The following KCNIP4 variants were observed in gnomAD, a reference collection of about 807,000 sequenced individuals.
The protein encoded by KCNIP4 is Kv channel-interacting protein 4.
In KCNIP4, 12 loss-of-function variants were observed where a neutral mutation model predicts 34.0. The observed-to-expected ratio is 0.35, with a 90% CI of 0.23 to 0.57. The LOEUF is 0.57. KCNIP4 is among the 20% of genes least tolerant of loss of function. The pLI, the probability that KCNIP4 is intolerant of heterozygous loss-of-function variation, is 0.83. For synonymous variants in KCNIP4, 124 were observed against 102.2 expected (o/e 1.21, Z -1.29); for missense variants, 238 against 311.7 (o/e 0.76, Z 1.78).
chr4:21,750,122 T>C (rs992894524), intron 1 of KCNIP4, among the ~76,000 whole-genome samples: 2 of 152,152 alleles, frequency 1.3e-5, no homozygotes, highest in African/African-American at 4.8e-5. Flanking sequence ...ATCCTCCTTT[T>C]GTCCTGGGTT....
At chr4:21,783,395 A>G (rs1719696116) in intron 1 of KCNIP4, among the ~76,000 whole-genome samples, 1 of 152,206 alleles carries the variant, frequency 6.6e-6, no homozygotes, top group South Asian at 2.1e-4. Context: ...TAAACTCAAA[A>G]AAAAAGTTTT....
In KCNIP4 at chr4:20,728,903, A is replaced by T. The variant is rs975537742; in HGVS notation, c.*1179T>A. 1 of 146,054 alleles carries T rather than the reference A, an allele frequency of 6.8e-6. No individual in the cohort carries two copies. The highest frequency in any genetic ancestry group is 2.6e-5 in the African/African-American group (1 of 38,224). The allele number at this position is 146,054 out of a possible 1,614,324, so 9.0% of individuals were successfully genotyped here. ...GTGGCTTTAGTAATGTGGCAACTTT[A>T]CAGTTTTGGCTAAGATGATTAAAAA... On this transcript the variant is annotated 3_prime_UTR_variant, in exon 9 of 9. Transcript: ENST00000382152.
chr4:21,473,292 G>A (rs1045245658), intron 1 of KCNIP4, among the ~76,000 whole-genome samples: 16 of 152,096 alleles, frequency 1.1e-4, no homozygotes, highest in African/African-American at 1.7e-4. Flanking sequence ...CAGGGAATAC[G>A]GGGAAATCCT....
At chr4:21,065,726 C>CAT (rs1347877012) in intron 1 of KCNIP4, among the ~76,000 whole-genome samples, 58 of 86,350 alleles carry the variant, frequency 6.7e-4, no homozygotes, top group African/African-American at 2.5e-3. Flanking sequence ...TATCATTTGT[C>CAT]TATATATATA....
At chr4:20,929,298 A>T (rs1477718666) in intron 1 of KCNIP4, among the ~76,000 whole-genome samples, 1 of 152,028 alleles carries the variant, frequency 6.6e-6, no homozygotes, top group African/African-American at 2.4e-5. Flanking sequence ...TTTCTCAATC[A>T]ACACAGAAAA....
intron 1 of KCNIP4, among the ~76,000 whole-genome samples, chr4:21,253,647 C>A (rs1313451241): frequency 6.6e-6 from 1 of 152,178 alleles, no homozygotes; most frequent in Non-Finnish European, 1.5e-5. Flanking sequence ...AAAATAGATT[C>A]TTAATACTGG....
At chr4:21,252,756 C>T (rs1362050321) in intron 1 of KCNIP4, among the ~76,000 whole-genome samples, 68 of 132,252 alleles carry the variant, frequency 5.1e-4, no homozygotes, top group African/African-American at 1.8e-3. Flanking sequence ...GGCAAATCCT[C>T]TTTTTTTTTT....
At chr4:21,524,170 C>T (rs908372651) in intron 1 of KCNIP4, among the ~76,000 whole-genome samples, 2 of 152,068 alleles carry the variant, frequency 1.3e-5, no homozygotes, top group Non-Finnish European at 2.9e-5. Context: ...TCTCTGCTCA[C>T]TCCTATTTTC....
At chr4:21,892,550 T>TAAAAAA (rs35105632) in intron 1 of KCNIP4, among the ~76,000 whole-genome samples, 1 of 126,378 alleles carries the variant, frequency 7.9e-6, no homozygotes, top group Non-Finnish European at 1.6e-5. Flanking sequence ...AGCAAAAAAG[T>TAAAAAA]AAAAAAAAAA....
chr4:20,891,987 A>G (rs1269697875), intron 1 of KCNIP4, among the ~76,000 whole-genome samples: 1 of 152,188 alleles, frequency 6.6e-6, no homozygotes, highest in African/African-American at 2.4e-5. Context: ...CTTGGGGTTC[A>G]TATGCTGGTA....
chr4:20,771,494 ATGAGT>A (rs576389665), intron 3 of KCNIP4, among the ~76,000 whole-genome samples: 15 of 152,312 alleles, frequency 9.8e-5, no homozygotes, highest in African/African-American at 3.1e-4. Flanking sequence ...GAAAATAAAA[ATGAGT>A]TGAGTTTACA....
At chr4:21,194,199 T>C (rs1755887724) in intron 1 of KCNIP4, among the ~76,000 whole-genome samples, 1 of 152,200 alleles carries the variant, frequency 6.6e-6, no homozygotes, top group South Asian at 2.1e-4. Context: ...TTGATAAGAA[T>C]TTAATTTAAG....
intron 1 of KCNIP4, among the ~76,000 whole-genome samples, chr4:21,466,707 T>C (rs951786278): frequency 6.6e-6 from 1 of 152,118 alleles, no homozygotes; most frequent in African/African-American, 2.4e-5. Flanking sequence ...ATCCCATTTA[T>C]ACAAATGCCC....
chr4:20,926,663 T>A (rs971975173), intron 1 of KCNIP4, among the ~76,000 whole-genome samples: 3 of 152,210 alleles, frequency 2.0e-5, no homozygotes, highest in East Asian at 3.9e-4. Context: ...AAGTTCAGAA[T>A]TGAATGTTTT....
At chr4:21,251,727 T>C (rs1340256574) in intron 1 of KCNIP4, among the ~76,000 whole-genome samples, 2 of 151,868 alleles carry the variant, frequency 1.3e-5, no homozygotes, top group African/African-American at 4.8e-5. Context: ...ATGGATGAAA[T>C]TGGAAATCAT....
At chr4:21,283,701 G>T (rs1225368215) in intron 1 of KCNIP4, among the ~76,000 whole-genome samples, 1 of 150,120 alleles carries the variant, frequency 6.7e-6, no homozygotes, top group African/African-American at 2.5e-5. Flanking sequence ...CCTAATGCTA[G>T]ATGACGAGTT....
chr4:21,835,600 T>TG (rs149217800), intron 1 of KCNIP4, among the ~76,000 whole-genome samples: 56,913 of 151,828 alleles, frequency 0.37, 12,422 homozygotes, highest in Non-Finnish European at 0.51. Flanking sequence ...TTAGTTTTTT[T>TG]TTGTTGTTGT....
rs1174408289 is a variant in KCNIP4, at chr4:20,786,346, A to G, written c.289-27456T>C. ...ACTGAAAGACTTTCTATTGGGTACTATGCTCAGTGTCTAGGTGTTGGGATC... is the reference window on the plus strand; with the variant it reads ...ACTGAAAGACTTTCTATTGGGTACTGTGCTCAGTGTCTAGGTGTTGGGATC... On this transcript the variant is annotated intron_variant, in intron 3 of 8. Transcript: ENST00000382152. 2.0e-5 allele frequency among the ~76,000 whole-genome samples: 3 copies of G among 152,170 alleles called. No homozygotes were observed. In the East Asian group the frequency reaches 5.8e-4, roughly 29 times the overall value.
intron 3 of KCNIP4, among the ~76,000 whole-genome samples, chr4:20,773,310 A>G (rs181476121): frequency 6.6e-6 from 1 of 152,286 alleles, no homozygotes; most frequent in East Asian, 1.9e-4. Flanking sequence ...GCCTTCTCCT[A>G]GTGCTTCTTC....
Sources: allele counts gnomAD v4.1 joint callset (sites outside exome capture counted in the v4.1 genomes callset), GRCh38; gene constraint gnomAD v4.1.1; transcripts MANE v1.5; gene names NCBI Gene and HGNC (gene_info 2026-07-23, HGNC 2026-07-21).